Variants in ADCY1 observed in about 807,000 individuals in gnomAD.
ADCY1 encodes adenylate cyclase type 1.
In ADCY1, 28 loss-of-function variants were observed where a neutral mutation model predicts 105.4. The observed-to-expected ratio is 0.27, with a 90% confidence interval of 0.20 to 0.36. The LOEUF (loss-of-function observed/expected upper bound fraction) is 0.36, where lower values mean the gene tolerates loss of function less well. Among genes scored for constraint, ADCY1 ranks in the 10% least tolerant of loss-of-function variants. The probability of loss-of-function intolerance (pLI) is 1.00; values close to 1 mark genes in which losing one functional copy is unlikely to be tolerated. For missense variants in ADCY1, 977 were observed against 1,434.2 expected (o/e 0.68, Z 5.15); for synonymous variants, 655 against 623.8 (o/e 1.05, Z -0.75).
At chr7:45,644,795 G>A (rs1794616471) in intron 4 of ADCY1, among the ~76,000 whole-genome samples, 1 of 152,158 alleles carries the variant, frequency 6.6e-6, no homozygotes, top group African/African-American at 2.4e-5. Flanking sequence ...AAACCAATTA[G>A]AAATACCTTT....
At chr7:45,595,970 C>A (rs1370921006) in intron 2 of ADCY1, among the ~76,000 whole-genome samples, 1 of 152,244 alleles carries the variant, frequency 6.6e-6, no homozygotes, top group Admixed American at 6.5e-5. Context: ...GTGCAGGGAG[C>A]CTTGTCTCTT....
chr7:45,582,089 T>C (rs1157042857), intron 1 of ADCY1, among the ~76,000 whole-genome samples: 2 of 152,086 alleles, frequency 1.3e-5, no homozygotes, highest in South Asian at 2.1e-4. Context: ...AATACATGCA[T>C]GCTCACCCAC....
intron 14 of ADCY1, among the ~76,000 whole-genome samples, chr7:45,697,019 G>C (rs1364423596): frequency 6.6e-6 from 1 of 152,222 alleles, no homozygotes; most frequent in African/African-American, 2.4e-5. Context: ...ACTGTGGCAA[G>C]AAATGCTGAC....
chr7:45,701,753 T>G (rs1482521553), intron 14 of ADCY1, among the ~76,000 whole-genome samples: 1 of 152,180 alleles, frequency 6.6e-6, no homozygotes, highest in Non-Finnish European at 1.5e-5. Context: ...GGCTGGAAAT[T>G]GAAGGTTTCT....
intron 6 of ADCY1, among the ~76,000 whole-genome samples, chr7:45,659,337 G>A (rs372146350): frequency 1.0e-3 from 157 of 152,328 alleles, no homozygotes; most frequent in Non-Finnish European, 1.4e-3. Flanking sequence ...AAGGTTGTGC[G>A]GTGAAGTGAA....
In ADCY1 at chr7:45,698,504, TGA is replaced by T. The variant is rs1416123530; in HGVS notation, c.2455-4864_2455-4863del. The stretch of plus-strand genomic sequence containing the variant: ...GAGTAGCAGGCAGCAGGGGCCTGCA[TGA>T]GAGAGAGGCCTGGGTTTAGGGGATG... On this transcript the variant is annotated intron_variant, in intron 14 of 19. Coordinates refer to ENST00000297323, the MANE Select transcript of ADCY1 (RefSeq NM_021116.4). Among the ~76,000 whole-genome samples, 8 of 152,102 alleles carry T rather than the reference TGA, an allele frequency of 5.3e-5. No individual in the cohort carries two copies. In the South Asian group the frequency reaches 1.7e-3, roughly 32 times the overall value.
At chr7:45,676,258 A>G (rs895842676) in intron 8 of ADCY1, among the ~76,000 whole-genome samples, 3 of 151,970 alleles carry the variant, frequency 2.0e-5, no homozygotes, top group African/African-American at 7.3e-5. Flanking sequence ...GACTTGCTAT[A>G]ATTTGTTTCA....
chr7:45,697,582 G>A (rs1019925058), intron 14 of ADCY1, among the ~76,000 whole-genome samples: 1 of 152,070 alleles, frequency 6.6e-6, no homozygotes, highest in African/African-American at 2.4e-5. Flanking sequence ...TAGAGATGGG[G>A]TTTCTCCATG....
In ADCY1 at chr7:45,575,891, T is replaced by G. The variant is rs966066112; in HGVS notation, c.639+709T>G. Among the ~76,000 whole-genome samples, 1 of 152,382 alleles carries G rather than the reference T, an allele frequency of 6.6e-6. No homozygotes were observed. Among genetic ancestry groups the G allele is most frequent in the African/African-American group, 2.4e-5 (1 of 41,598 alleles). ...GAGATGGTTGCAAGGACGGGGACGC[T>G]GTCTGCCTCCCGCGGACTCTTCCTG... On this transcript the variant is annotated intron_variant, in intron 1 of 19. Transcript: ENST00000297323. This position sits in a 1 kb window ranked among gnomAD's most constrained non-coding sequence, Gnocchi z 4.7.
intron 8 of ADCY1, among the ~76,000 whole-genome samples, chr7:45,674,846 T>C (rs888124739): frequency 3.3e-5 from 5 of 152,246 alleles, no homozygotes; most frequent in Non-Finnish European, 7.3e-5. Flanking sequence ...TTTTCTGTTA[T>C]CACTACAGCC....
rs554802878 is a variant in ADCY1, at chr7:45,676,685, A to C, written c.1606-1184A>C. ...ACAATGCAAGTGGGAGCTCATTACC[A>C]CTCAGTGGAGATGAGCATCTCCACT... On this transcript the variant is annotated intron_variant, in intron 8 of 19. Transcript: ENST00000297323. Among the ~76,000 whole-genome samples, 5 of 151,984 alleles carry C rather than the reference A, an allele frequency of 3.3e-5. No individual in the cohort carries two copies. The South Asian group carries it at 1.0e-3, about 32-fold the overall frequency.
intron 1 of ADCY1, among the ~76,000 whole-genome samples, chr7:45,590,773 T>G (rs1248769111): frequency 2.0e-5 from 3 of 152,188 alleles, no homozygotes; most frequent in East Asian, 1.9e-4. Context: ...TCTTGCTGCC[T>G]TCTCTGACCC....
chr7:45,620,209 A>G (rs895632268), intron 3 of ADCY1, among the ~76,000 whole-genome samples: 6 of 152,222 alleles, frequency 3.9e-5, no homozygotes, highest in African/African-American at 1.2e-4. Context: ...TCATAGAATT[A>G]AAGAGTGTCA....
intron 17 of ADCY1, among the ~76,000 whole-genome samples, chr7:45,706,386 C>T (rs1440249724): frequency 6.7e-6 from 1 of 150,136 alleles, no homozygotes; most frequent in East Asian, 2.0e-4. Flanking sequence ...AGAAATAGAC[C>T]CATAGACATA....
intron 5 of ADCY1, among the ~76,000 whole-genome samples, chr7:45,657,301 C>T (rs1404776930): frequency 6.6e-6 from 1 of 152,262 alleles, no homozygotes; most frequent in Non-Finnish European, 1.5e-5. Context: ...CTGCATCTGG[C>T]TGGCAAGCAG....
At chr7:45,705,014 T>G (rs1404764064) in intron 17 of ADCY1, among the ~76,000 whole-genome samples, 1 of 145,432 alleles carries the variant, frequency 6.9e-6, no homozygotes, top group East Asian at 2.2e-4. Context: ...ACAGTAGAAC[T>G]ATGAATAAAT....
intron 1 of ADCY1, among the ~76,000 whole-genome samples, chr7:45,588,508 C>T (rs532665778): frequency 2.0e-5 from 3 of 152,320 alleles, no homozygotes; most frequent in South Asian, 2.1e-4. Flanking sequence ...TTTCTATAAA[C>T]GTTTGCATAT....
intron 17 of ADCY1, among the ~76,000 whole-genome samples, chr7:45,704,980 A>T: frequency 9.7e-6 from 1 of 103,050 alleles, no homozygotes; most frequent in African/African-American, 3.8e-5. Flanking sequence ...TTCTCCTCCC[A>T]TCAGCCTTGC....
At chr7:45,688,320 G>A (rs1038109578) in intron 14 of ADCY1, among the ~76,000 whole-genome samples, 3 of 152,302 alleles carry the variant, frequency 2.0e-5, no homozygotes, top group East Asian at 3.9e-4. Context: ...CGTTGGCCAC[G>A]GGCCTTGTGC....
Sources: allele counts gnomAD v4.1 joint callset (sites outside exome capture counted in the v4.1 genomes callset), GRCh38; gene constraint gnomAD v4.1.1; non-coding constraint Gnocchi (gnomAD v3.1); transcripts MANE v1.5; gene names NCBI Gene and HGNC (gene_info 2026-07-23, HGNC 2026-07-21).